Variants in SEMA5A observed in about 807,000 individuals in gnomAD.
SEMA5A encodes semaphorin 5A.
SEMA5A carries 55 observed loss-of-function variants against 135.5 expected under a neutral mutation model. That is an observed-to-expected ratio of 0.41 (90% CI 0.33 to 0.51). The LOEUF (loss-of-function observed/expected upper bound fraction) is 0.51. Ranked by LOEUF, SEMA5A falls within the 20% of genes least tolerant of loss-of-function variation. The pLI, the probability that SEMA5A is intolerant of heterozygous loss-of-function variation, is 0.37. For missense variants in SEMA5A, 1,290 were observed against 1,419.9 expected (o/e 0.91, Z 1.47); for synonymous variants, 580 against 546.5 (o/e 1.06, Z -0.85).
intron 19 of SEMA5A, 106 bp from the exon 20 acceptor site, chr5:9,052,134 T>C (rs1736620822): frequency 1.6e-6 from 2 of 1,249,422 alleles, no homozygotes. Flanking sequence ...CAGGATTCCA[T>C]AGCATATTTT....
intron 12 of SEMA5A, among the ~76,000 whole-genome samples, chr5:9,144,679 C>T (rs1217860947): frequency 6.6e-6 from 1 of 152,188 alleles, no homozygotes; most frequent in African/African-American, 2.4e-5. Context: ...GCCTGAATCC[C>T]AGTTGCTCTT....
intron 2 of SEMA5A, among the ~76,000 whole-genome samples, chr5:9,419,795 T>C (rs541887785): frequency 9.8e-5 from 15 of 152,332 alleles, no homozygotes; most frequent in African/African-American, 3.6e-4. Flanking sequence ...TGACAAGATA[T>C]GGCAAAGCTC....
At chr5:9,080,190 C>T (rs1482831899) in intron 16 of SEMA5A, among the ~76,000 whole-genome samples, 1 of 152,118 alleles carries the variant, frequency 6.6e-6, no homozygotes, top group Non-Finnish European at 1.5e-5. Context: ...AAATGTGGCA[C>T]ATATACACCG....
intron 8 of SEMA5A, among the ~76,000 whole-genome samples, chr5:9,206,005 G>A (rs1806063): frequency 0.06 from 9,118 of 152,282 alleles, 362 homozygotes; most frequent in Non-Finnish European, 0.088. Flanking sequence ...AGTAGGGGAT[G>A]TTAGAGTCTT....
chr5:9,387,694 G>T (rs1755957817), intron 2 of SEMA5A, among the ~76,000 whole-genome samples: 2 of 152,158 alleles, frequency 1.3e-5, no homozygotes, highest in Admixed American at 1.3e-4. Flanking sequence ...TGTAGGAAAT[G>T]GAATTAAATG....
chr5:9,484,284 C>T (rs1056890179), intron 1 of SEMA5A, among the ~76,000 whole-genome samples: 1 of 152,194 alleles, frequency 6.6e-6, no homozygotes, highest in African/African-American at 2.4e-5. Context: ...TTGACAAATA[C>T]ATCAACAAGA....
At chr5:9,289,419 C>T (rs1233953284) in intron 5 of SEMA5A, among the ~76,000 whole-genome samples, 1 of 151,976 alleles carries the variant, frequency 6.6e-6, no homozygotes, top group East Asian at 1.9e-4. Context: ...TATATAAATC[C>T]AATTTCTTGG....
chr5:9,222,578 C>T (rs774389822), intron 8 of SEMA5A, among the ~76,000 whole-genome samples: 1 of 152,098 alleles, frequency 6.6e-6, no homozygotes, highest in African/African-American at 2.4e-5. Flanking sequence ...GTAGAGCCAC[C>T]GTATTGACCT....
chr5:9,352,324 T>TTGTATCTATCTATCCATCTATCTAGCTA (rs1754161457), intron 3 of SEMA5A, among the ~76,000 whole-genome samples: 1 of 152,056 alleles, frequency 6.6e-6, no homozygotes, highest in Non-Finnish European at 1.5e-5. Flanking sequence ...ATTTTTTAAT[T>TTGTATCTATCTATCCATCTATCTAGCTA]TGTATCTATC....
In SEMA5A at chr5:9,041,003, T is replaced by C. The variant is rs1735934593; in HGVS notation, c.*1894A>G. 1.3e-5 allele frequency: 2 copies of C among 152,206 alleles called. No individual in the cohort carries two copies. Among genetic ancestry groups the C allele is most frequent in the Non-Finnish European group, 2.9e-5 (2 of 68,034 alleles). The allele number at this position is 152,206 out of a possible 1,614,324, so 9.4% of individuals were successfully genotyped here. A position where few individuals can be genotyped will look rare whatever the true frequency, so the allele number is the denominator to read the frequency against. ...GATTTCCCCTACTGAGTATGGACTT[T>C]GAGCATGTGCATATAGACAGAAGAC... On this transcript the variant is annotated 3_prime_UTR_variant, in exon 23 of 23. Transcript: ENST00000382496.
chr5:9,447,581 C>T (rs112601397), intron 1 of SEMA5A, among the ~76,000 whole-genome samples: 183 of 152,288 alleles, frequency 1.2e-3, no homozygotes, highest in African/African-American at 4.2e-3. Context: ...GTGAATTCCA[C>T]CTAAACGTTT....
intron 11 of SEMA5A, among the ~76,000 whole-genome samples, chr5:9,155,312 T>C (rs1240766229): frequency 6.6e-6 from 1 of 152,154 alleles, no homozygotes; most frequent in East Asian, 1.9e-4. Flanking sequence ...AGTATTAATT[T>C]CTGGCCTGAT....
At chr5:9,228,746 G>A (rs2150427446) in intron 6 of SEMA5A, among the ~76,000 whole-genome samples, 1 of 152,342 alleles carries the variant, frequency 6.6e-6, no homozygotes, top group Admixed American at 6.5e-5. Context: ...GCACGCCATG[G>A]CGAATGAATG....
chr5:9,160,491 G>C (rs1462319373), intron 11 of SEMA5A, among the ~76,000 whole-genome samples: 4 of 152,130 alleles, frequency 2.6e-5, no homozygotes, highest in Non-Finnish European at 5.9e-5. Context: ...TAAGATAAAA[G>C]GATGATTTCC....
Position 9,224,890 on chromosome 5 carries a change from G to A in SEMA5A, c.433-3C>T. On this transcript the variant is annotated splice_region_variant and splice_polypyrimidine_tract_variant and intron_variant, in intron 7 of 22. Transcript: ENST00000382496. ...TGGATCTCAGTCAGGTTGCTCAACT[G>A]TGGGGGAGGATGAGAGGGAAAGCAG... The A allele has an allele frequency of 6.2e-7, 1 of 1,610,618 alleles. No homozygotes were observed.
chr5:9,165,778 G>A (rs1337906456), intron 11 of SEMA5A, among the ~76,000 whole-genome samples: 2 of 152,170 alleles, frequency 1.3e-5, no homozygotes, highest in Non-Finnish European at 2.9e-5. Context: ...CACTCACTGG[G>A]CAGCTCGTCA....
intron 5 of SEMA5A, among the ~76,000 whole-genome samples, chr5:9,287,240 A>G (rs1750843025): frequency 6.6e-6 from 1 of 152,250 alleles, no homozygotes; most frequent in Non-Finnish European, 1.5e-5. Context: ...GAAAAATGCC[A>G]TCTATATTAA....
At chr5:9,111,493 C>T (rs369967354) in intron 15 of SEMA5A, among the ~76,000 whole-genome samples, 5 of 152,272 alleles carry the variant, frequency 3.3e-5, no homozygotes, top group African/African-American at 1.2e-4. Flanking sequence ...AAAAATCTAC[C>T]GCAGGGTAAC....
At chr5:9,132,912 T>C (rs1432695413) in intron 13 of SEMA5A, among the ~76,000 whole-genome samples, 2 of 152,260 alleles carry the variant, frequency 1.3e-5, no homozygotes, top group African/African-American at 4.8e-5. Flanking sequence ...TGGAAAGAGA[T>C]ACATACCTCT....
Sources: gnomAD v4.1 joint callset for allele counts (sites outside exome capture counted in the v4.1 genomes callset) on GRCh38, gnomAD v4.1.1 for gene constraint, MANE v1.5 for transcripts, NCBI Gene and HGNC (gene_info 2026-07-23, HGNC 2026-07-21) for gene names.